The following PRELID2 variants were observed in gnomAD, a reference collection of about 807,000 sequenced individuals.
PRELID2 encodes the protein PRELI domain containing 2, also known as PRELI domain-containing protein 2.
PRELID2 carries 25 observed loss-of-function variants against 28.4 expected under a neutral mutation model. That is an observed-to-expected ratio of 0.88 (90% confidence interval 0.64 to 1.23). The LOEUF (loss-of-function observed/expected upper bound fraction) is 1.23, where lower values mean the gene tolerates loss of function less well. Ranked by LOEUF, PRELID2 falls within the 50% of genes most tolerant of loss-of-function variation. The pLI is 0.00. For missense variants in PRELID2, 201 were observed against 214.4 expected (o/e 0.94, Z 0.39); for synonymous variants, 76 against 71.6 (o/e 1.06, Z -0.31).
Position 145,796,460 on chromosome 5 carries a change from TAAG to T in PRELID2, c.453_455del (p.Phe151del), listed in dbSNP as rs777193882. ...TGGTTACCTTCTGGGCTCCCTGTCG[TAAG>T]AATGTGCTGGCAAAAGTTTCTAAAA... On this transcript the variant is annotated inframe_deletion, in exon 5 of 7. Transcript: ENST00000683046. 4 of 1,609,836 alleles carry T rather than the reference TAAG, an allele frequency of 2.5e-6. No homozygotes were observed. Among genetic ancestry groups the T allele is most frequent in the Non-Finnish European group, 3.4e-6 (4 of 1,177,348 alleles).
intron 1 of PRELID2, among the ~76,000 whole-genome samples, chr5:145,536,708 G>A (rs1451319279): frequency 2.6e-5 from 4 of 151,886 alleles, no homozygotes; most frequent in Non-Finnish European, 4.4e-5. Context: ...CTTAGAGGCT[G>A]TAATGAAATA....
chr5:145,427,808 A>G, the PRELID2 span, among the ~76,000 whole-genome samples: 2 of 152,202 alleles, frequency 1.3e-5, no homozygotes, highest in Non-Finnish European at 2.9e-5. Flanking sequence ...TGTAATCATG[A>G]AGTTTAGATT....
chr5:145,733,621 C>A (rs1025096611), intron 1 of PRELID2, among the ~76,000 whole-genome samples: 3 of 152,204 alleles, frequency 2.0e-5, no homozygotes, highest in Admixed American at 6.5e-5. Context: ...TAGATTTTCA[C>A]AAGTGTCCTA....
At chr5:145,814,614 T>C (rs915730502) in intron 4 of PRELID2, among the ~76,000 whole-genome samples, 3 of 152,182 alleles carry the variant, frequency 2.0e-5, no homozygotes, top group Non-Finnish European at 2.9e-5. Flanking sequence ...GAATGGATTT[T>C]AAATTTTCGG....
At chr5:145,399,834 C>A in the PRELID2 span, among the ~76,000 whole-genome samples, 1 of 152,090 alleles carries the variant, frequency 6.6e-6, no homozygotes, top group Non-Finnish European at 1.5e-5. Context: ...TGGTGGCAGG[C>A]AAAGAGAGAG....
chr5:145,422,739 A>G, the PRELID2 span, among the ~76,000 whole-genome samples: 2 of 151,706 alleles, frequency 1.3e-5, no homozygotes. Context: ...ATTTACATTT[A>G]AAGTTAATAT....
the PRELID2 span, among the ~76,000 whole-genome samples, chr5:145,387,637 T>G: frequency 2.6e-5 from 4 of 152,128 alleles, no homozygotes; most frequent in Non-Finnish European, 4.4e-5. Context: ...GACATTGGTT[T>G]AAAGACAAAC....
chr5:145,387,240 A>G, the PRELID2 span, among the ~76,000 whole-genome samples: 60,957 of 151,896 alleles, frequency 0.4, 12,923 homozygotes, highest in East Asian at 0.79. Flanking sequence ...TTTTTTAAAT[A>G]GGAATGTAGA....
intron 1 of PRELID2, among the ~76,000 whole-genome samples, chr5:145,518,211 T>C (rs1026295960): frequency 6.6e-6 from 1 of 151,744 alleles, no homozygotes; most frequent in African/African-American, 2.4e-5. Context: ...GTTTTGTTTG[T>C]GTGTTTGAGA....
chr5:145,670,419 T>C (rs1490923580), intron 1 of PRELID2, among the ~76,000 whole-genome samples: 2 of 152,112 alleles, frequency 1.3e-5, no homozygotes, highest in East Asian at 3.9e-4. Context: ...ACCTTTAACA[T>C]TGGGGATGAA....
In PRELID2 at chr5:145,527,964, T is replaced by A. The variant is rs148095353; in HGVS notation, n.71-54649A>T. On this transcript the variant is annotated intron_variant and non_coding_transcript_variant, in intron 1 of 2. Coordinates refer to the PRELID2 transcript ENST00000510259. ...TTGCCCTGTTGTCCCATTACCATCA[T>A]CTGCTTTAACCATAATTACTCTCAT... Among the ~76,000 whole-genome samples the A allele has an allele frequency of 6.0e-3, 912 of 152,218 alleles. 2 individuals carry two copies. Among genetic ancestry groups the A allele is most frequent in the Non-Finnish European group, 9.3e-3 (631 of 67,984 alleles).
chr5:145,597,269 C>G (rs541191213), intron 1 of PRELID2, among the ~76,000 whole-genome samples: 1 of 151,906 alleles, frequency 6.6e-6, no homozygotes, highest in Non-Finnish European at 1.5e-5. Flanking sequence ...ATTTAGTGCC[C>G]GAATATTTTA....
At chr5:145,483,435 G>A (rs1417750225) in intron 1 of PRELID2, among the ~76,000 whole-genome samples, 2 of 152,200 alleles carry the variant, frequency 1.3e-5, no homozygotes, top group East Asian at 3.9e-4. Flanking sequence ...GCTCATCACA[G>A]ACAGACACAT....
chr5:145,585,469 T>G (rs1753144885), intron 1 of PRELID2, among the ~76,000 whole-genome samples: 1 of 152,114 alleles, frequency 6.6e-6, no homozygotes, highest in Non-Finnish European at 1.5e-5. Context: ...ATTTTAAAAA[T>G]GATAACAATA....
intron 1 of PRELID2, among the ~76,000 whole-genome samples, chr5:145,570,007 A>C (rs1753003206): frequency 6.6e-6 from 1 of 152,194 alleles, no homozygotes. Context: ...GGATTCCTTC[A>C]GAGGGCTGCG....
chr5:145,644,322 G>A (rs113880489), intron 1 of PRELID2, among the ~76,000 whole-genome samples: 5,672 of 152,138 alleles, frequency 0.037, 328 homozygotes, highest in African/African-American at 0.13. Context: ...AGTATTCTCC[G>A]ATGGTAGTTT....
chr5:145,450,263 T>C, the PRELID2 span, among the ~76,000 whole-genome samples: 34,298 of 152,106 alleles, frequency 0.23, 4,142 homozygotes, highest in South Asian at 0.35. Flanking sequence ...CAGAAATTGA[T>C]AATTTAAACA....
At chr5:145,601,833 G>T (rs1279225737) in intron 1 of PRELID2, among the ~76,000 whole-genome samples, 1 of 152,146 alleles carries the variant, frequency 6.6e-6, no homozygotes, top group Non-Finnish European at 1.5e-5. Flanking sequence ...AGGGTAGTGA[G>T]GAAGTTAGTT....
chr5:145,431,006 GTTTTTTTTTTTTTTT>G, the PRELID2 span, among the ~76,000 whole-genome samples: 98 of 55,564 alleles, frequency 1.8e-3, 1 homozygote, highest in African/African-American at 5.7e-3. Context: ...CCTGGCAATG[GTTTTTTTTTTTTTTT>G]TTTTTTTTTT....
Sources: gnomAD v4.1 joint callset for allele counts (sites outside exome capture counted in the v4.1 genomes callset) on GRCh38, gnomAD v4.1.1 for gene constraint, MANE v1.5 for transcripts, NCBI Gene and HGNC (gene_info 2026-07-23, HGNC 2026-07-21) for gene names.